Variants in CNTNAP2 observed in about 807,000 individuals in gnomAD.
CNTNAP2 encodes the protein contactin associated protein 2.
CNTNAP2 carries 98 observed loss-of-function variants against 155.2 expected under a neutral mutation model. The ratio of observed to expected loss-of-function variants is 0.63; its 90% CI spans 0.54 to 0.75. The LOEUF (loss-of-function observed/expected upper bound fraction) is 0.75, where lower values mean the gene tolerates loss of function less well. Ranked by LOEUF, CNTNAP2 falls within the 30% of genes least tolerant of loss-of-function variation. The pLI is 0.00. For missense variants in CNTNAP2, 1,727 were observed against 1,688.1 expected, an observed-to-expected ratio of 1.02 and a Z score of -0.40; for synonymous variants, 651 against 631.2, an observed-to-expected ratio of 1.03 and a Z score of -0.47.
At chr7:146,715,416 T>G (rs190988278) in intron 1 of CNTNAP2, among the ~76,000 whole-genome samples, 1 of 152,332 alleles carries the variant, frequency 6.6e-6, no homozygotes, top group Non-Finnish European at 1.5e-5. Context: ...ACTCTGTATA[T>G]TAACAGAGGG....
chr7:147,407,251 G>A (rs1391548467), intron 10 of CNTNAP2, among the ~76,000 whole-genome samples: 2 of 151,978 alleles, frequency 1.3e-5, no homozygotes, highest in Non-Finnish European at 2.9e-5. Context: ...GGCAGATCAC[G>A]AGGTCAGGAG....
At chr7:146,538,985 A>G (rs1264545748) in intron 1 of CNTNAP2, among the ~76,000 whole-genome samples, 1 of 152,116 alleles carries the variant, frequency 6.6e-6, no homozygotes, top group Non-Finnish European at 1.5e-5. Context: ...AACAGGGGGT[A>G]ATGAAAATAC....
chr7:146,599,488 A>G (rs1200412303), intron 1 of CNTNAP2, among the ~76,000 whole-genome samples: 1 of 151,812 alleles, frequency 6.6e-6, no homozygotes, highest in African/African-American at 2.4e-5. Context: ...AGAACTATCC[A>G]CTTTCCTTCC....
chr7:147,217,422 T>A (rs1009608466), intron 8 of CNTNAP2, among the ~76,000 whole-genome samples: 3 of 152,036 alleles, frequency 2.0e-5, no homozygotes, highest in South Asian at 2.1e-4. Flanking sequence ...TGTGATTTTT[T>A]AAATTTAGTT....
intron 1 of CNTNAP2, among the ~76,000 whole-genome samples, chr7:146,414,988 A>T (rs920457863): frequency 2.0e-5 from 3 of 152,088 alleles, no homozygotes; most frequent in African/African-American, 7.2e-5. Context: ...TTCTATAATG[A>T]CTAATACTTG....
intron 1 of CNTNAP2, among the ~76,000 whole-genome samples, chr7:146,523,516 C>G (rs550544134): frequency 6.6e-6 from 1 of 152,098 alleles, no homozygotes; most frequent in Admixed American, 6.6e-5. Context: ...CCAAAATAAC[C>G]TTTCCAACCT....
At chr7:148,296,302 G>GA (rs1394388408) in intron 21 of CNTNAP2, among the ~76,000 whole-genome samples, 1 of 151,890 alleles carries the variant, frequency 6.6e-6, no homozygotes, top group Non-Finnish European at 1.5e-5. Flanking sequence ...TCCTAGCACT[G>GA]AGGTGGGCAG....
chr7:146,139,040 C>T (rs540614819), intron 1 of CNTNAP2, among the ~76,000 whole-genome samples: 16 of 152,240 alleles, frequency 1.1e-4, no homozygotes, highest in African/African-American at 3.9e-4. Context: ...CTTAAACATG[C>T]TCAGAACACT....
At chr7:147,398,665 G>A (rs999210007) in intron 10 of CNTNAP2, among the ~76,000 whole-genome samples, 9 of 131,746 alleles carry the variant, frequency 6.8e-5, no homozygotes, top group East Asian at 4.4e-4. Context: ...TTTTCTGAAC[G>A]CAGCTTTGAA....
intron 8 of CNTNAP2, among the ~76,000 whole-genome samples, chr7:147,290,750 A>C (rs912685380): frequency 2.0e-5 from 3 of 152,096 alleles, no homozygotes; most frequent in Non-Finnish European, 2.9e-5. Context: ...ATACAGTGAA[A>C]AGAATACCTG....
chr7:147,038,013 A>C (rs1476195221), intron 3 of CNTNAP2, among the ~76,000 whole-genome samples: 3 of 152,102 alleles, frequency 2.0e-5, no homozygotes. Context: ...GAAAAATCAC[A>C]ATCTATTGGC....
chr7:147,766,648 T>C lies in CNTNAP2; in HGVS notation c.2098+127342T>C, dbSNP rs117432026. 7.2e-3 allele frequency among the ~76,000 whole-genome samples: 1,090 copies of C among 152,262 alleles called. 8 individuals carry two copies. The highest frequency in any genetic ancestry group is 0.027 in the Middle Eastern group (8 of 294). On this transcript the variant is annotated intron_variant, in intron 13 of 23. Coordinates refer to ENST00000361727, the MANE Select transcript of CNTNAP2 (RefSeq NM_014141.6). The stretch of plus-strand genomic sequence containing the variant: ...TAGCCTTAATCCTGAACTTTTCAAG[T>C]ACTTGAAGCAATAAATTCTATTTTT...
At position 147,291,816 on chromosome 7, in the gene CNTNAP2, G is replaced by A. The variant is rs563186741; in HGVS notation, c.1349-8325G>A. 3.5e-4 allele frequency among the ~76,000 whole-genome samples: 54 copies of A among 152,146 alleles called. No homozygotes were observed. The East Asian group carries it at 4.1e-3, about 11-fold the overall frequency. On this transcript the variant is annotated intron_variant, in intron 8 of 23. Coordinates refer to ENST00000361727, the MANE Select transcript of CNTNAP2 (RefSeq NM_014141.6). ...TTAGCCCTTTTAATTTTTGGCCACC[G>A]AAATGGGTATAAAATTATATATCAT...
chr7:147,741,889 G>A (rs1376062906), intron 13 of CNTNAP2, among the ~76,000 whole-genome samples: 2 of 152,090 alleles, frequency 1.3e-5, no homozygotes, highest in African/African-American at 4.8e-5. Context: ...TCATGCTGCT[G>A]ATAAAGACGT....
intron 8 of CNTNAP2, among the ~76,000 whole-genome samples, chr7:147,260,189 G>T (rs961337247): frequency 3.9e-5 from 6 of 152,184 alleles, no homozygotes; most frequent in African/African-American, 1.4e-4. Context: ...TGGCTTCCTA[G>T]TTTGCAACTT....
intron 8 of CNTNAP2, among the ~76,000 whole-genome samples, chr7:147,275,927 G>GT (rs537998371): frequency 7.9e-5 from 12 of 151,012 alleles, no homozygotes; most frequent in Non-Finnish European, 1.5e-4. Flanking sequence ...GATCATATGG[G>GT]TTTTTTTTTA....
intron 15 of CNTNAP2, among the ~76,000 whole-genome samples, chr7:148,037,892 T>G (rs1380110220): frequency 6.6e-6 from 1 of 152,174 alleles, no homozygotes; most frequent in Admixed American, 6.5e-5. Context: ...GTTCTTTGAC[T>G]TACAGTAGAT....
intron 8 of CNTNAP2, among the ~76,000 whole-genome samples, chr7:147,201,440 C>T (rs1802919098): frequency 6.6e-6 from 1 of 152,048 alleles, no homozygotes; most frequent in Non-Finnish European, 1.5e-5. Context: ...TTATTTAACT[C>T]TCATGCTCAG....
chr7:147,578,812 G>GA (rs1287779572), intron 12 of CNTNAP2, among the ~76,000 whole-genome samples: 1 of 151,838 alleles, frequency 6.6e-6, no homozygotes, highest in Non-Finnish European at 1.5e-5. Flanking sequence ...TGTGTATTAC[G>GA]AAATTAAAGT....
Sources: allele counts gnomAD v4.1 joint callset (sites outside exome capture counted in the v4.1 genomes callset), GRCh38; gene constraint gnomAD v4.1.1; transcripts MANE v1.5; gene names NCBI Gene and HGNC (gene_info 2026-07-23, HGNC 2026-07-21).